Variants in KCNIP1 observed in about 807,000 individuals in gnomAD.
KCNIP1 encodes potassium voltage-gated channel interacting protein 1, also known as A-type potassium channel modulatory protein KCNIP1.
Under a neutral mutation model 33.0 loss-of-function variants are expected in KCNIP1, and 18 were observed. The ratio of observed to expected loss-of-function variants is 0.55; its 90% CI spans 0.38 to 0.81. KCNIP1 has a LOEUF of 0.81. Ranked by LOEUF, KCNIP1 falls within the 30% of genes least tolerant of loss-of-function variation. The probability of loss-of-function intolerance (pLI) is 0.00; values close to 1 mark genes in which losing one functional copy is unlikely to be tolerated. For synonymous variants in KCNIP1, 93 were observed against 98.3 expected, an observed-to-expected ratio of 0.95 and a Z score of 0.32; for missense variants, 238 against 271.6, an observed-to-expected ratio of 0.88 and a Z score of 0.87.
At chr5:170,646,541 C>G (rs1319668422) in intron 1 of KCNIP1, among the ~76,000 whole-genome samples, 1 of 152,024 alleles carries the variant, frequency 6.6e-6, no homozygotes, top group East Asian at 1.9e-4. Flanking sequence ...AAATCTAACC[C>G]CCAGTTGTGA....
chr5:170,514,423 C>G (rs1262527562), intron 1 of KCNIP1, among the ~76,000 whole-genome samples: 2 of 152,176 alleles, frequency 1.3e-5, no homozygotes, highest in South Asian at 4.1e-4. Context: ...CAGCAAGGGG[C>G]TCCCCTTGTC....
intron 1 of KCNIP1, chr5:170,354,111 A>G (rs1273009005): frequency 5.3e-6 from 4 of 759,440 alleles, no homozygotes; most frequent in Middle Eastern, 2.5e-4. Context: ...GAGGTTGCTG[A>G]CAACCTGCGT....
chr5:170,520,798 C>G (rs1338695648), intron 1 of KCNIP1, among the ~76,000 whole-genome samples: 1 of 152,192 alleles, frequency 6.6e-6, no homozygotes, highest in Non-Finnish European at 1.5e-5. Flanking sequence ...ACCCAGACAC[C>G]ACTTCCTTCA....
At chr5:170,614,902 C>T (rs944989618) in intron 1 of KCNIP1, among the ~76,000 whole-genome samples, 18 of 152,198 alleles carry the variant, frequency 1.2e-4, no homozygotes, top group Admixed American at 7.9e-4. Flanking sequence ...AAGGTAGGAG[C>T]TTCACAGATG....
At chr5:170,656,202 G>A (rs1268201739) in intron 1 of KCNIP1, among the ~76,000 whole-genome samples, 1 of 152,224 alleles carries the variant, frequency 6.6e-6, no homozygotes, top group African/African-American at 2.4e-5. Context: ...GCCTATATGG[G>A]CCCAGCCCTG....
intron 6 of KCNIP1, 62 bp from the exon 7 acceptor site, chr5:170,733,774 G>A (rs908756576): frequency 7.4e-7 from 1 of 1,344,342 alleles, no homozygotes; most frequent in South Asian, 1.2e-5. Context: ...AGAAAGCAGG[G>A]GAGTAAGCTT....
chr5:170,603,721 C>A (rs1758787591), intron 1 of KCNIP1, among the ~76,000 whole-genome samples: 1 of 152,120 alleles, frequency 6.6e-6, no homozygotes, highest in African/African-American at 2.4e-5. Context: ...GAGAGAAGAG[C>A]CTGCCACACT....
chr5:170,515,355 T>C (rs536041213), intron 1 of KCNIP1, among the ~76,000 whole-genome samples: 1 of 152,286 alleles, frequency 6.6e-6, no homozygotes, highest in South Asian at 2.1e-4. Context: ...CCCTGGTTTT[T>C]CCCTTGCTAA....
chr5:170,589,791 T>TGTGC (rs1301780975), intron 1 of KCNIP1, among the ~76,000 whole-genome samples: 3 of 129,766 alleles, frequency 2.3e-5, no homozygotes, highest in South Asian at 2.9e-4. Flanking sequence ...TGATGTGATG[T>TGTGC]GGTGTGCGGT....
chr5:170,431,062 T>C (rs902045427), intron 1 of KCNIP1, among the ~76,000 whole-genome samples: 1 of 152,202 alleles, frequency 6.6e-6, no homozygotes, highest in Non-Finnish European at 1.5e-5. Context: ...CATCTGCAGA[T>C]GCTGGCAAAG....
At chr5:170,606,755 G>A (rs953737777) in intron 1 of KCNIP1, among the ~76,000 whole-genome samples, 8 of 152,132 alleles carry the variant, frequency 5.3e-5, no homozygotes, top group Admixed American at 1.3e-4. Context: ...ACACGGCCAC[G>A]CTCACAGCCG....
intron 1 of KCNIP1, among the ~76,000 whole-genome samples, chr5:170,403,736 T>C (rs1581158891): frequency 6.6e-6 from 1 of 152,146 alleles, no homozygotes; most frequent in East Asian, 1.9e-4. Context: ...GCCCAAGAAA[T>C]GAATGCAGAA....
chr5:170,485,134 T>C (rs913409855), intron 1 of KCNIP1, among the ~76,000 whole-genome samples: 1 of 152,082 alleles, frequency 6.6e-6, no homozygotes. Flanking sequence ...GAGACGGGAT[T>C]TCTCCATGTT....
In KCNIP1 at chr5:170,489,242, G is replaced by A. The variant is rs1757157410; in HGVS notation, c.88+135278G>A. 7.2e-5 allele frequency among the ~76,000 whole-genome samples: 11 copies of A among 152,220 alleles called. No individual in the cohort carries two copies. Among genetic ancestry groups the A allele is most frequent in the Admixed American group, 7.2e-4 (11 of 15,288 alleles). On this transcript the variant is annotated intron_variant, in intron 1 of 7. Coordinates refer to the KCNIP1 transcript ENST00000377360. The surrounding 1 kb of genome is among the most constrained non-coding windows in gnomAD (Gnocchi z 4.3). The stretch of plus-strand genomic sequence containing the variant: ...CACCTCGGCACTTACCCCAAAAGAT[G>A]GAGGACTGCTGGCAGAAACAGACAG...
intron 1 of KCNIP1, among the ~76,000 whole-genome samples, chr5:170,439,384 G>C (rs1196118664): frequency 6.6e-6 from 1 of 152,216 alleles, no homozygotes; most frequent in African/African-American, 2.4e-5. Flanking sequence ...GAGGAACAAG[G>C]GCCCCGGGCT....
chr5:170,708,521 T>G (rs1763337133), intron 1 of KCNIP1, among the ~76,000 whole-genome samples: 1 of 152,236 alleles, frequency 6.6e-6, no homozygotes, highest in African/African-American at 2.4e-5. Context: ...CCTACAAGTG[T>G]TGATATGTCA....
intron 1 of KCNIP1, among the ~76,000 whole-genome samples, chr5:170,658,490 CA>C (rs1761355627): frequency 6.6e-6 from 1 of 152,186 alleles, no homozygotes; most frequent in African/African-American, 2.4e-5. Context: ...GATTGAGTTT[CA>C]ACATGAGTTT....
At chr5:170,357,669 A>C (rs1304561432) in intron 1 of KCNIP1, among the ~76,000 whole-genome samples, 1 of 152,190 alleles carries the variant, frequency 6.6e-6, no homozygotes, top group Non-Finnish European at 1.5e-5. Context: ...AGCTGAGACC[A>C]CACATGTGCA....
rs369853930 is a variant in KCNIP1 at position 170,460,102 on chromosome 5, A to C, written c.88+106138A>C. On this transcript the variant is annotated intron_variant, in intron 1 of 7. Coordinates refer to the KCNIP1 transcript ENST00000377360. The stretch of plus-strand genomic sequence containing the variant: ...CTTGAAAACCTAAAGGAGATGGATA[A>C]ATTCCTGGATAGATACAACCCTCCT... 2.0e-5 allele frequency among the ~76,000 whole-genome samples: 3 copies of C among 152,296 alleles called. No individual in the cohort carries two copies. The East Asian group carries it at 5.8e-4, about 29-fold the overall frequency.
Sources: gnomAD v4.1 joint callset for allele counts (sites outside exome capture counted in the v4.1 genomes callset) on GRCh38, gnomAD v4.1.1 for gene constraint, Gnocchi (gnomAD v3.1) non-coding constraint, MANE v1.5 for transcripts, NCBI Gene and HGNC (gene_info 2026-07-23, HGNC 2026-07-21) for gene names.